Variants in MYRIP observed in about 807,000 individuals in gnomAD.
MYRIP encodes myosin VIIA and Rab interacting protein.
In MYRIP, 49 loss-of-function variants were observed where a neutral mutation model predicts 98.0. The ratio of observed to expected loss-of-function variants is 0.50; its 90% CI spans 0.40 to 0.63. MYRIP has a LOEUF of 0.63. Among genes scored for constraint, MYRIP ranks in the 30% least tolerant of loss-of-function variants. The pLI, the probability that MYRIP is intolerant of heterozygous loss-of-function variation, is 0.00. For missense variants in MYRIP, 1,004 were observed against 1,058.2 expected, an observed-to-expected ratio of 0.95 and a Z score of 0.71; for synonymous variants, 404 against 409.5, an observed-to-expected ratio of 0.99 and a Z score of 0.16.
intron 3 of MYRIP, among the ~76,000 whole-genome samples, chr3:40,077,951 G>A (rs1357556357): frequency 1.3e-5 from 2 of 152,262 alleles, no homozygotes; most frequent in Non-Finnish European, 2.9e-5. Flanking sequence ...TTCGGTGGTT[G>A]ATGGGACTGG....
intron 3 of MYRIP, among the ~76,000 whole-genome samples, chr3:40,066,224 CA>C (rs908599820): frequency 9.2e-5 from 14 of 152,146 alleles, no homozygotes; most frequent in Admixed American, 2.0e-4. Context: ...CACCAACTTG[CA>C]ACTTTTTACT....
At chr3:39,827,642 G>A (rs986012624) in intron 1 of MYRIP, among the ~76,000 whole-genome samples, 4 of 151,614 alleles carry the variant, frequency 2.6e-5, no homozygotes, top group African/African-American at 9.7e-5. Flanking sequence ...TCTTCTTTGT[G>A]CATTGCCTTT....
intron 2 of MYRIP, among the ~76,000 whole-genome samples, chr3:40,011,361 C>T (rs918969031): frequency 6.6e-6 from 1 of 152,004 alleles, no homozygotes; most frequent in African/African-American, 2.4e-5. Context: ...GGGTACTTCC[C>T]TTCCCTCTTT....
chr3:40,100,890 T>C (rs1014695464), intron 3 of MYRIP, among the ~76,000 whole-genome samples: 1 of 152,174 alleles, frequency 6.6e-6, no homozygotes, highest in East Asian at 1.9e-4. Context: ...AAAAACGAAG[T>C]CCTTGGATCT....
intron 11 of MYRIP, among the ~76,000 whole-genome samples, chr3:40,218,612 T>TTATATATATATA (rs751894190): frequency 5.2e-3 from 70 of 13,466 alleles, no homozygotes; most frequent in East Asian, 0.016. Context: ...TATATATATT[T>TTATATATATATA]TATATATATA....
chr3:40,254,892 C>A (rs989312371), intron 16 of MYRIP, among the ~76,000 whole-genome samples: 1 of 152,200 alleles, frequency 6.6e-6, no homozygotes, highest in Non-Finnish European at 1.5e-5. Context: ...AAGACTAAAA[C>A]AAGGACAAAT....
chr3:40,112,202 C>T lies in MYRIP; in HGVS notation c.333-38846C>T, dbSNP rs142659261. 5.4e-3 allele frequency among the ~76,000 whole-genome samples: 795 copies of T among 147,526 alleles called. 13 individuals carry two copies. The highest frequency in any genetic ancestry group is 0.019 in the African/African-American group (762 of 39,900). ...ATTAAGGCTGGAACACACACACATA[C>T]GCTCATGGAATTCTACAGGAATAGA... On this transcript the variant is annotated intron_variant, in intron 3 of 16. Transcript: ENST00000302541.
chr3:40,116,877 A>T (rs1949293440), intron 3 of MYRIP, among the ~76,000 whole-genome samples: 1 of 152,072 alleles, frequency 6.6e-6, no homozygotes, highest in African/African-American at 2.4e-5. Context: ...TTTGCCATGA[A>T]CCTCTTTTCT....
At chr3:40,033,548 C>G (rs988038770) in intron 2 of MYRIP, among the ~76,000 whole-genome samples, 1 of 152,150 alleles carries the variant, frequency 6.6e-6, no homozygotes, top group Admixed American at 6.5e-5. Flanking sequence ...GAACTACAAA[C>G]CACTGCTCAA....
intron 3 of MYRIP, among the ~76,000 whole-genome samples, chr3:40,112,211 A>T (rs763926421): frequency 6.7e-6 from 1 of 149,686 alleles, no homozygotes; most frequent in Non-Finnish European, 1.5e-5. Flanking sequence ...ACGCTCATGG[A>T]ATTCTACAGG....
At chr3:40,246,333 A>C (rs1435096511) in intron 13 of MYRIP, among the ~76,000 whole-genome samples, 1 of 151,832 alleles carries the variant, frequency 6.6e-6, no homozygotes, top group Non-Finnish European at 1.5e-5. Flanking sequence ...GGAAAGAGGA[A>C]GGGTTTGGTG....
chr3:39,939,122 A>G (rs1206249085), intron 2 of MYRIP, among the ~76,000 whole-genome samples: 1 of 138,132 alleles, frequency 7.2e-6, no homozygotes, highest in Admixed American at 7.4e-5. Flanking sequence ...TTGGAAAACC[A>G]TAGGCTGCCC....
intron 1 of MYRIP, among the ~76,000 whole-genome samples, chr3:39,874,632 C>T (rs908741253): frequency 6.6e-6 from 1 of 151,998 alleles, no homozygotes; most frequent in African/African-American, 2.4e-5. Flanking sequence ...TGTTTATATG[C>T]TGGATTACAT....
At chr3:40,056,809 G>A (rs1251315867) in intron 3 of MYRIP, among the ~76,000 whole-genome samples, 1 of 152,080 alleles carries the variant, frequency 6.6e-6, no homozygotes, top group African/African-American at 2.4e-5. Flanking sequence ...AAGCAGGTTG[G>A]GTACCTTCCC....
At chr3:39,814,124 T>G (rs1940792671) in intron 1 of MYRIP, among the ~76,000 whole-genome samples, 1 of 152,180 alleles carries the variant, frequency 6.6e-6, no homozygotes, top group Admixed American at 6.5e-5. Context: ...TGGGCATATA[T>G]CCTCAGAAGG....
At chr3:39,924,703 G>GACCAT (rs2125694060) in intron 2 of MYRIP, among the ~76,000 whole-genome samples, 1 of 152,076 alleles carries the variant, frequency 6.6e-6, no homozygotes, top group South Asian at 2.1e-4. Context: ...TATATATTGA[G>GACCAT]ACCATATTCT....
At chr3:40,247,336 CGTT>C (rs1953237759) in intron 13 of MYRIP, among the ~76,000 whole-genome samples, 1 of 151,866 alleles carries the variant, frequency 6.6e-6, no homozygotes. Flanking sequence ...GTTCTGTGAG[CGTT>C]ATTTTGTACT....
At chr3:40,160,915 T>G (rs1027991130) in intron 4 of MYRIP, among the ~76,000 whole-genome samples, 2 of 152,270 alleles carry the variant, frequency 1.3e-5, no homozygotes, top group East Asian at 3.9e-4. Flanking sequence ...CACTCCCTAG[T>G]GAGATGAACC....
intron 2 of MYRIP, among the ~76,000 whole-genome samples, chr3:39,946,272 GATAAAA>G (rs1477470891): frequency 7.9e-5 from 12 of 152,080 alleles, no homozygotes. Flanking sequence ...ACATAGAAAA[GATAAAA>G]ATAAAGAAAT....
Sources: allele counts gnomAD v4.1 joint callset (sites outside exome capture counted in the v4.1 genomes callset), GRCh38; gene constraint gnomAD v4.1.1; transcripts MANE v1.5; gene names NCBI Gene and HGNC (gene_info 2026-07-23, HGNC 2026-07-21).